The following YEATS4 variants were observed in gnomAD, a reference collection of about 807,000 sequenced individuals.
The protein encoded by YEATS4 is YEATS domain-containing protein 4.
YEATS4 carries 17 observed loss-of-function variants against 30.1 expected under a neutral mutation model. That is an observed-to-expected ratio of 0.56 (90% CI 0.39 to 0.85). The LOEUF is 0.85. YEATS4 is among the 40% of genes least tolerant of loss of function. YEATS4 has a pLI of 0.00. For synonymous variants in YEATS4, 85 were observed against 87.5 expected (o/e 0.97, Z 0.16); for missense variants, 142 against 268.3 (o/e 0.53, Z 3.29).
At chr12:69,365,585 T>G in intron 2 of YEATS4, 48 bp from the exon 3 acceptor site, 1 of 1,373,266 alleles carries the variant, frequency 7.3e-7, no homozygotes, top group African/African-American at 1.4e-5. Context: ...TTTTTTTTCC[T>G]AGTTTTCATT....
intron 6 of YEATS4, among the ~76,000 whole-genome samples, chr12:69,378,131 C>A (rs28778648): frequency 0.4 from 60,320 of 152,018 alleles, 12,338 homozygotes; most frequent in Non-Finnish European, 0.46. Context: ...GTTGTGCAAT[C>A]TGTTTGTCTG....
the YEATS4 span, among the ~76,000 whole-genome samples, chr12:69,409,549 A>G: frequency 0.15 from 23,320 of 151,668 alleles, 2,097 homozygotes; most frequent in East Asian, 0.38. Context: ...CTCGGGAGGC[A>G]GAGGTTGCAG....
chr12:69,423,054 A>G, the YEATS4 span: 1 of 152,244 alleles, frequency 6.6e-6, no homozygotes, highest in African/African-American at 2.4e-5. Flanking sequence ...AATAGCAATT[A>G]TACTTTGTTA....
At chr12:69,366,730 T>C (rs2120924506) in intron 4 of YEATS4, among the ~76,000 whole-genome samples, 1 of 152,322 alleles carries the variant, frequency 6.6e-6, no homozygotes, top group South Asian at 2.1e-4. Context: ...ACATCAGTCT[T>C]TTAGCACCAA....
At chr12:69,418,255 C>G in the YEATS4 span, among the ~76,000 whole-genome samples, 2 of 152,114 alleles carry the variant, frequency 1.3e-5, no homozygotes, top group African/African-American at 4.8e-5. Flanking sequence ...GCCAGCCTGG[C>G]CCATAAAGTA....
At chr12:69,395,798 T>C (rs1868347653), downstream of YEATS4, among the ~76,000 whole-genome samples, 1 of 152,200 alleles carries the variant, frequency 6.6e-6, no homozygotes. Flanking sequence ...TCAGGAACTT[T>C]ACTGAAGGGA....
intron 6 of YEATS4, among the ~76,000 whole-genome samples, chr12:69,386,058 T>G (rs1325742561): frequency 6.6e-6 from 1 of 152,232 alleles, no homozygotes; most frequent in African/African-American, 2.4e-5. Flanking sequence ...TTCTCGAAAT[T>G]GAGCTTCATT....
downstream of YEATS4, among the ~76,000 whole-genome samples, chr12:69,395,188 T>C (rs1317102906): frequency 6.6e-6 from 1 of 152,180 alleles, no homozygotes; most frequent in East Asian, 1.9e-4. Context: ...ATTATTTATT[T>C]TCACAGAAGG....
At chr12:69,392,845 G>A (rs1868326245), downstream of YEATS4, among the ~76,000 whole-genome samples, 1 of 152,078 alleles carries the variant, frequency 6.6e-6, no homozygotes, top group South Asian at 2.1e-4. Context: ...ATTTTTAATT[G>A]TCTGTTGCTC....
chr12:69,395,639 G>T (rs1279512245), downstream of YEATS4, among the ~76,000 whole-genome samples: 1 of 152,038 alleles, frequency 6.6e-6, no homozygotes, highest in Non-Finnish European at 1.5e-5. Flanking sequence ...GAGTGAAAGA[G>T]AATAAAAATA....
the YEATS4 span, among the ~76,000 whole-genome samples, chr12:69,419,604 T>G: frequency 6.6e-6 from 1 of 152,184 alleles, no homozygotes; most frequent in Non-Finnish European, 1.5e-5. Context: ...CATCTTTGTA[T>G]GCCAGGCCCC....
At chr12:69,417,371 G>C in the YEATS4 span, among the ~76,000 whole-genome samples, 34 of 151,320 alleles carry the variant, frequency 2.2e-4, no homozygotes, top group African/African-American at 7.0e-4. Context: ...TGTGGCCCAG[G>C]CTGGTCTTCA....
the YEATS4 span, among the ~76,000 whole-genome samples, chr12:69,396,904 T>C: frequency 6.6e-6 from 1 of 152,196 alleles, no homozygotes; most frequent in South Asian, 2.1e-4. Flanking sequence ...CAATTTATAC[T>C]ATATACTACT....
chr12:69,398,104 A>G, the YEATS4 span, among the ~76,000 whole-genome samples: 1 of 152,226 alleles, frequency 6.6e-6, no homozygotes, highest in Non-Finnish European at 1.5e-5. Flanking sequence ...ACATAGTGGT[A>G]AAAGACTGGA....
chr12:69,424,700 C>T, the YEATS4 span, among the ~76,000 whole-genome samples: 17,481 of 152,118 alleles, frequency 0.11, 1,210 homozygotes, highest in East Asian at 0.19. Context: ...CCCCTTCGCT[C>T]TCCCTCACTT....
At chr12:69,405,709 G>T in the YEATS4 span, among the ~76,000 whole-genome samples, 1,022 of 152,256 alleles carry the variant, frequency 6.7e-3, 14 homozygotes, top group African/African-American at 0.023. Context: ...TCATGCCCTG[G>T]GCAGGATGGA....
intron 6 of YEATS4, among the ~76,000 whole-genome samples, chr12:69,378,966 C>G (rs778936400): frequency 6.6e-6 from 1 of 152,178 alleles, no homozygotes; most frequent in Non-Finnish European, 1.5e-5. Flanking sequence ...GATGAAATCT[C>G]TCAGCTTTTG....
the YEATS4 span, among the ~76,000 whole-genome samples, chr12:69,421,830 AC>A: frequency 6.6e-6 from 1 of 152,170 alleles, no homozygotes; most frequent in African/African-American, 2.4e-5. Flanking sequence ...CAGCTGTGTG[AC>A]CTTTATGGAA....
At chr12:69,415,370 T>G in the YEATS4 span, among the ~76,000 whole-genome samples, 1 of 151,902 alleles carries the variant, frequency 6.6e-6, no homozygotes, top group Non-Finnish European at 1.5e-5. Flanking sequence ...AGATCAGGAG[T>G]TCGAGACCAG....
Sources: allele counts gnomAD v4.1 joint callset (sites outside exome capture counted in the v4.1 genomes callset), GRCh38; gene constraint gnomAD v4.1.1; transcripts MANE v1.5; gene names NCBI Gene and HGNC (gene_info 2026-07-23, HGNC 2026-07-21).